The following NAT10 variants were observed in gnomAD, a reference collection of about 807,000 sequenced individuals.
The protein encoded by NAT10 is RNA cytidine acetyltransferase.
Under a neutral mutation model 132.2 loss-of-function variants are expected in NAT10, and 109 were observed. The observed-to-expected ratio is 0.82, with a 90% confidence interval of 0.71 to 0.97. NAT10 has a LOEUF of 0.97. NAT10 is among the 50% of genes least tolerant of loss of function. NAT10 has a pLI of 0.00. For synonymous variants in NAT10, 479 were observed against 478.0 expected (o/e 1.00, Z -0.03); for missense variants, 1,184 against 1,263.4 (o/e 0.94, Z 0.95).
At chr11:34,111,010 G>A (rs75953991) in intron 3 of NAT10, among the ~76,000 whole-genome samples, 12,519 of 152,214 alleles carry the variant, frequency 0.082, 525 homozygotes, top group Non-Finnish European at 0.092. Context: ...TTGAGAATAA[G>A]GCCTGTTGTC....
chr11:34,139,423 T>TGC lies in NAT10; in HGVS notation c.2347_2348insGC (p.Phe783CysfsTer11). Reference sequence around the variant, plus strand: ...GTTCCTAGCCTTGCTCTCCTACCAGTTCAGTACCTTCTCTCCTTCCCTGGC... The same window carrying TGC: ...GTTCCTAGCCTTGCTCTCCTACCAGTGCTCAGTACCTTCTCTCCTTCCCTGGC... On this transcript the variant is annotated frameshift_variant, in exon 23 of 29. Transcript: ENST00000257829. LOFTEE classifies it high-confidence loss of function. The TGC allele has an allele frequency of 6.2e-7, 1 of 1,614,126 alleles. No individual in the cohort carries two copies. The highest frequency in any genetic ancestry group is 2.2e-5 in the East Asian group (1 of 44,866).
intron 9 of NAT10, 137 bp from the exon 10 acceptor site, chr11:34,123,625 G>A: frequency 1.6e-6 from 1 of 610,564 alleles, no homozygotes; most frequent in East Asian, 3.1e-5. Flanking sequence ...CCCAAAAGGT[G>A]TCCTGACTTT....
intron 8 of NAT10, among the ~76,000 whole-genome samples, chr11:34,119,764 A>G (rs965444529): frequency 6.6e-6 from 1 of 152,218 alleles, no homozygotes; most frequent in African/African-American, 2.4e-5. Flanking sequence ...TACAGAGTGT[A>G]AGTGGTCCCC....
At chr11:34,113,529 G>A (rs1015902792) in intron 4 of NAT10, among the ~76,000 whole-genome samples, 187 bp from the exon 5 acceptor site, 35 of 151,258 alleles carry the variant, frequency 2.3e-4, no homozygotes, top group African/African-American at 8.0e-4. Context: ...TGGGCCAGGC[G>A]CGGTGGCTCA....
chr11:34,145,761 C>T (rs1357961310), intron 28 of NAT10, among the ~76,000 whole-genome samples: 1 of 152,032 alleles, frequency 6.6e-6, no homozygotes, highest in Non-Finnish European at 1.5e-5. Flanking sequence ...CCTTGTGGTG[C>T]CTTAGGTCTG....
intron 3 of NAT10, among the ~76,000 whole-genome samples, 162 bp from the exon 4 acceptor site, chr11:34,111,890 A>G (rs1851700264): frequency 1.3e-5 from 2 of 152,182 alleles, no homozygotes; most frequent in African/African-American, 2.4e-5. Context: ...AATGCCTCTC[A>G]TGCCTCTCCA....
intron 4 of NAT10, among the ~76,000 whole-genome samples, chr11:34,113,054 C>T (rs76263719): frequency 0.017 from 2,564 of 152,288 alleles, 50 homozygotes; most frequent in African/African-American, 0.059. Context: ...GGGCATTATG[C>T]CTCATTTTCA....
chr11:34,140,667 C>A, intron 24 of NAT10, 95 bp downstream of exon 24: 1 of 1,357,340 alleles, frequency 7.4e-7, no homozygotes, highest in Non-Finnish European at 1.0e-6. Flanking sequence ...TAATTGTGTG[C>A]CTTTAATTCC....
In NAT10 at chr11:34,136,637, C is replaced by T. The variant is rs769813671; in HGVS notation, c.2029-5C>T. 1.2e-6 allele frequency: 2 copies of T among 1,614,030 alleles called. No individual in the cohort carries two copies. The highest frequency in any genetic ancestry group is 3.3e-5 in the Admixed American group (2 of 60,006). ...GACTGTGTTCTCTCCTTGGCATCTT[C>T]CCAGGCTGTCAGCTTGTTGGAAGAG... is the stretch of plus-strand genomic sequence containing the variant. On this transcript the variant is annotated splice_polypyrimidine_tract_variant and splice_region_variant and intron_variant, in intron 19 of 28. Transcript: ENST00000257829.
chr11:34,124,146 G>C (rs961024057), intron 10 of NAT10, among the ~76,000 whole-genome samples, 156 bp from the exon 11 acceptor site: 23 of 152,082 alleles, frequency 1.5e-4, no homozygotes, highest in African/African-American at 5.1e-4. Context: ...TCCAGCCTGG[G>C]CTCGAAACTC....
Position 34,133,071 on chromosome 11 carries a change from CA to C in NAT10, c.1664del (p.His555LeufsTer37), listed in dbSNP as rs1218653645. 1 of 1,614,064 alleles carries C rather than the reference CA, an allele frequency of 6.2e-7. No individual in the cohort carries two copies. Among genetic ancestry groups the C allele is most frequent in the Non-Finnish European group, 8.5e-7 (1 of 1,180,042 alleles). ...LQMLSDAPAHHLFCLLPPVPP... is the reference protein window; with the variant it reads ...LQMLSDAPAHXLFCLLPPVPP... ...GATGCTCTCCGATGCACCTGCTCAC[CA>C]TCTCTTCTGCCTTCTGCCTCCCGTG... is the stretch of plus-strand genomic sequence containing the variant. On this transcript the variant is annotated frameshift_variant, in exon 16 of 29. Transcript: ENST00000257829. LOFTEE classifies it high-confidence loss of function.
intron 25 of NAT10, 132 bp from the exon 26 acceptor site, chr11:34,141,587 C>G: frequency 1.3e-6 from 1 of 781,524 alleles, no homozygotes; most frequent in Non-Finnish European, 2.1e-6. Flanking sequence ...ATCCACATTC[C>G]TAAACTGTAG....
In NAT10 at chr11:34,126,882, TAAC is replaced by T. The variant is rs1167649300; in HGVS notation, c.1108-578_1108-576del. Among the ~76,000 whole-genome samples, 3 of 152,184 alleles carry T rather than the reference TAAC, an allele frequency of 2.0e-5. 1 individual carries two copies. The highest frequency in any genetic ancestry group is 1.3e-4 in the Admixed American group (2 of 15,280). ...TGTAAGTGTTTATGTATTAAGAAAA[TAAC>T]AAGTTCTAGAAATGTCCGTCAGTGC... On this transcript the variant is annotated intron_variant, in intron 11 of 28. Coordinates refer to ENST00000257829, the MANE Select transcript of NAT10 (RefSeq NM_024662.3).
rs778128271 is a variant in NAT10, at chr11:34,146,206, G to T, written c.*14G>T. The stretch of plus-strand genomic sequence containing the variant: ...CGGAAGAAATAGTGAAGAGAAACTC[G>T]GGCATCTGTGTTTGATCATGGGAAG... On this transcript the variant is annotated 3_prime_UTR_variant, in exon 29 of 29. Transcript: ENST00000257829. 6.5e-7 allele frequency: 1 copy of T among 1,548,238 alleles called. No homozygotes were observed. The highest frequency in any genetic ancestry group is 8.8e-7 in the Non-Finnish European group (1 of 1,133,198).
intron 5 of NAT10, among the ~76,000 whole-genome samples, chr11:34,115,439 G>A (rs964546702): frequency 6.6e-6 from 1 of 152,128 alleles, no homozygotes; most frequent in Non-Finnish European, 1.5e-5. Context: ...TTCATATGTA[G>A]CATTTGTCAA....
chr11:34,134,252 A>C, intron 16 of NAT10, 67 bp from the exon 17 acceptor site: 1 of 1,351,080 alleles, frequency 7.4e-7, no homozygotes, highest in Non-Finnish European at 1.1e-6. Context: ...GAAACAAGCT[A>C]TATTCTGTGA....
chr11:34,119,429 A>G (rs1180832691), intron 8 of NAT10, among the ~76,000 whole-genome samples: 3 of 152,264 alleles, frequency 2.0e-5, no homozygotes, highest in Non-Finnish European at 4.4e-5. Context: ...CAGCAGCTAC[A>G]TAGCTCTCTA....
intron 3 of NAT10, among the ~76,000 whole-genome samples, chr11:34,110,543 A>AT (rs1168212182): frequency 2.9e-5 from 2 of 69,884 alleles, no homozygotes; most frequent in Admixed American, 1.4e-4. Context: ...ACTTACGTTC[A>AT]TTTTTTTTTC....
At chr11:34,141,330 C>CA (rs1852325014) in intron 25 of NAT10, 122 bp downstream of exon 25, 2 of 1,305,666 alleles carry the variant, frequency 1.5e-6, no homozygotes, top group African/African-American at 3.0e-5. Context: ...GTCACACACA[C>CA]ACACACACAC....
Sources: allele counts gnomAD v4.1 joint callset (sites outside exome capture counted in the v4.1 genomes callset), GRCh38; gene constraint gnomAD v4.1.1; transcripts MANE v1.5; gene names NCBI Gene and HGNC (gene_info 2026-07-23, HGNC 2026-07-21).